The following P3H2 variants were observed in gnomAD, a reference collection of about 807,000 sequenced individuals.
The protein encoded by P3H2 is leprecan-like 1.
P3H2 carries 80 observed loss-of-function variants against 87.0 expected under a neutral mutation model. That is an observed-to-expected ratio of 0.92 (90% CI 0.77 to 1.11). P3H2 has a LOEUF of 1.11. P3H2 is among the 50% of genes least tolerant of loss of function. P3H2 has a pLI of 0.00. For missense variants in P3H2, 1,001 were observed against 923.9 expected (o/e 1.08, Z -1.08); for synonymous variants, 367 against 359.3 (o/e 1.02, Z -0.24).
intron 1 of P3H2, among the ~76,000 whole-genome samples, chr3:190,002,090 G>C (rs1449535216): frequency 6.6e-6 from 1 of 152,090 alleles, no homozygotes; most frequent in Non-Finnish European, 1.5e-5. Context: ...ATATAGCAGA[G>C]TCAGATTTTT....
chr3:189,969,326 C>T (rs1723100940), intron 13 of P3H2: 2 of 884,940 alleles, frequency 2.3e-6, no homozygotes, highest in African/African-American at 1.6e-5. Flanking sequence ...AAGCTTTCTG[C>T]TCAAGAGATA....
At chr3:190,055,743 T>G (rs1162117145) in intron 1 of P3H2, among the ~76,000 whole-genome samples, 1 of 152,194 alleles carries the variant, frequency 6.6e-6, no homozygotes, top group African/African-American at 2.4e-5. Context: ...TACAATATCA[T>G]TCTCAATTTT....
At chr3:189,960,832 T>C (rs1036416862) in intron 14 of P3H2, among the ~76,000 whole-genome samples, 1 of 152,192 alleles carries the variant, frequency 6.6e-6, no homozygotes, top group African/African-American at 2.4e-5. Flanking sequence ...TAAAAAATGT[T>C]TACAAAAAGG....
intron 1 of P3H2, among the ~76,000 whole-genome samples, chr3:190,020,093 G>A (rs565182468): frequency 1.5e-5 from 2 of 133,186 alleles, no homozygotes; most frequent in South Asian, 5.4e-4. Flanking sequence ...GCTGAAATAT[G>A]GTGAAAAGCT....
intron 1 of P3H2, among the ~76,000 whole-genome samples, chr3:190,063,816 T>C (rs1162458382): frequency 3.3e-5 from 5 of 152,080 alleles, no homozygotes; most frequent in African/African-American, 1.2e-4. Context: ...GGGGAGCAGA[T>C]AGGCAGAGGC....
chr3:190,120,848 G>A lies in P3H2; in HGVS notation c.-117C>T. ...AGCGCGCCGACTCCGCCGCGATCTG[G>A]CCGCTCCGCGAGCCCCAGGTGACCG... On this transcript the variant is annotated 5_prime_UTR_variant, in exon 1 of 15. Coordinates refer to ENST00000319332, the MANE Select transcript of P3H2 (RefSeq NM_018192.4). 2 of 1,422,218 alleles carry A rather than the reference G, an allele frequency of 1.4e-6. No individual in the cohort carries two copies. Among genetic ancestry groups the A allele is most frequent in the Non-Finnish European group, 1.8e-6 (2 of 1,086,260 alleles). 88.1% of individuals were successfully genotyped at this position (1,422,218 alleles called of 1,614,324 possible).
At chr3:190,072,505 T>C (rs1726736008) in intron 1 of P3H2, among the ~76,000 whole-genome samples, 1 of 152,176 alleles carries the variant, frequency 6.6e-6, no homozygotes, top group South Asian at 2.1e-4. Flanking sequence ...TTAAAGTGTG[T>C]TTGCTATTTA....
chr3:189,992,609 T>C (rs929149361), intron 3 of P3H2, among the ~76,000 whole-genome samples: 1 of 152,232 alleles, frequency 6.6e-6, no homozygotes, highest in Non-Finnish European at 1.5e-5. Flanking sequence ...AAAGTATAGA[T>C]TCTAGATTCA....
intron 1 of P3H2, among the ~76,000 whole-genome samples, chr3:190,091,393 A>G (rs1727402988): frequency 6.6e-6 from 1 of 152,180 alleles, no homozygotes; most frequent in Admixed American, 6.5e-5. Context: ...ATGACTATAC[A>G]CTCTCAACTT....
intron 1 of P3H2, among the ~76,000 whole-genome samples, chr3:190,113,826 C>T (rs950454189): frequency 3.3e-5 from 5 of 152,116 alleles, no homozygotes; most frequent in Admixed American, 6.5e-5. Context: ...GCCTGTAATC[C>T]CAGCACTTTG....
intron 14 of P3H2, among the ~76,000 whole-genome samples, chr3:189,960,043 T>C (rs1722767037): frequency 1.3e-5 from 2 of 152,194 alleles, no homozygotes; most frequent in South Asian, 4.1e-4. Context: ...GTCTGCCATA[T>C]TCCAGATGCT....
chr3:190,031,993 C>T (rs146909848), intron 1 of P3H2, among the ~76,000 whole-genome samples: 31 of 152,254 alleles, frequency 2.0e-4, no homozygotes, highest in African/African-American at 7.5e-4. Context: ...TAAGTGTCTA[C>T]TAAGTGCTAG....
intron 3 of P3H2, among the ~76,000 whole-genome samples, chr3:189,993,859 T>A (rs1577260049): frequency 6.6e-6 from 1 of 151,960 alleles, no homozygotes; most frequent in Non-Finnish European, 1.5e-5. Flanking sequence ...AAAAATGAAA[T>A]AATAACTATA....
intron 1 of P3H2, among the ~76,000 whole-genome samples, chr3:190,007,986 A>ATATATATATATATATATATG (rs1560359925): frequency 9.2e-5 from 13 of 141,572 alleles, no homozygotes; most frequent in African/African-American, 3.5e-4. Context: ...ATATATATAT[A>ATATATATATATATATATATG]GTAAACTTCA....
At chr3:190,088,505 C>A (rs9942040) in intron 1 of P3H2, among the ~76,000 whole-genome samples, 11,356 of 152,006 alleles carry the variant, frequency 0.075, 797 homozygotes, top group African/African-American at 0.18. Flanking sequence ...AGGTTGTTAC[C>A]AAAATTAGTC....
chr3:189,989,780 G>C (rs1326358723), intron 3 of P3H2, among the ~76,000 whole-genome samples: 3 of 151,978 alleles, frequency 2.0e-5, no homozygotes, highest in Non-Finnish European at 2.9e-5. Context: ...CCTTTCTATT[G>C]CTCCCATTCT....
chr3:190,078,923 A>G (rs1260884966), intron 1 of P3H2, among the ~76,000 whole-genome samples: 1 of 152,170 alleles, frequency 6.6e-6, no homozygotes, highest in African/African-American at 2.4e-5. Context: ...GGGTGAAAGG[A>G]CTGTTTACAC....
At chr3:190,105,146 G>A (rs779409352) in intron 1 of P3H2, among the ~76,000 whole-genome samples, 2 of 152,104 alleles carry the variant, frequency 1.3e-5, no homozygotes, top group Non-Finnish European at 2.9e-5. Flanking sequence ...ACATCACTCT[G>A]GTGCTTGCAC....
intron 1 of P3H2, among the ~76,000 whole-genome samples, chr3:190,038,457 T>A (rs1424114104): frequency 4.7e-5 from 5 of 105,674 alleles, no homozygotes; most frequent in African/African-American, 1.9e-4. Context: ...AAAACCTAGA[T>A]ATTCAACAAG....
Sources: gnomAD v4.1 joint callset for allele counts (sites outside exome capture counted in the v4.1 genomes callset) on GRCh38, gnomAD v4.1.1 for gene constraint, MANE v1.5 for transcripts, NCBI Gene and HGNC (gene_info 2026-07-23, HGNC 2026-07-21) for gene names.